The following PIWIL3 variants were observed in gnomAD, a reference collection of about 807,000 sequenced individuals.
PIWIL3 encodes the protein piwi-like protein 3.
Under a neutral mutation model 109.7 loss-of-function variants are expected in PIWIL3, and 101 were observed. The ratio of observed to expected loss-of-function variants is 0.92; its 90% CI spans 0.78 to 1.09. The LOEUF is 1.09. Ranked by LOEUF, PIWIL3 falls within the 50% of genes least tolerant of loss-of-function variation. The pLI is 0.00. For synonymous variants in PIWIL3, 373 were observed against 376.4 expected, an observed-to-expected ratio of 0.99 and a Z score of 0.10; for missense variants, 1,031 against 1,072.6, an observed-to-expected ratio of 0.96 and a Z score of 0.54.
chr22:24,733,835 TG>T (rs1923495403), intron 14 of PIWIL3, among the ~76,000 whole-genome samples: 1 of 152,228 alleles, frequency 6.6e-6, no homozygotes, highest in South Asian at 2.1e-4. Flanking sequence ...TACATTTGTA[TG>T]GTGTATTTTT....
In PIWIL3 at chr22:24,721,739, C is replaced by T. The variant is rs150293745; in HGVS notation, c.2357+1391G>A. Among the ~76,000 whole-genome samples, 439 of 152,252 alleles carry T rather than the reference C, an allele frequency of 2.9e-3. 4 individuals carry two copies. The highest frequency in any genetic ancestry group is 9.7e-3 in the African/African-American group (401 of 41,548). On this transcript the variant is annotated intron_variant, in intron 19 of 20. Coordinates refer to ENST00000616349, the MANE Select transcript of PIWIL3 (RefSeq NM_001255975.1). ...TTGACCTTTTCATTAGATATTCTTA[C>T]GGCCTTTATTCCTTTTTATATCTTT...
At chr22:24,772,770 G>C (rs1311139115) in intron 1 of PIWIL3, among the ~76,000 whole-genome samples, 1 of 152,228 alleles carries the variant, frequency 6.6e-6, no homozygotes, top group East Asian at 1.9e-4. Flanking sequence ...AACTGAAGAA[G>C]TGTCACAATG....
rs536930241 is a variant in PIWIL3 at position 24,754,943 on chromosome 22, A to C, written c.693-79T>G. ...TTTGGTAAGACACATAAGGGAAAAA[A>C]AATCTGTCAATGACTGTTTATATTA... On this transcript the variant is annotated intron_variant, in intron 6 of 20. Transcript: ENST00000616349. 9.2e-6 allele frequency: 11 copies of C among 1,192,920 alleles called. No homozygotes were observed. The African/African-American group carries it at 1.4e-4, about 15-fold the overall frequency. The allele number at this position is 1,192,920 out of a possible 1,614,324, so 73.9% of individuals were successfully genotyped here.
intron 12 of PIWIL3, among the ~76,000 whole-genome samples, chr22:24,747,936 T>C (rs568925849): frequency 6.6e-6 from 1 of 152,294 alleles, no homozygotes; most frequent in South Asian, 2.1e-4. Context: ...CCTAGGCATA[T>C]AGCCAAAATA....
chr22:24,763,139 C>A (rs1925543329), intron 1 of PIWIL3, among the ~76,000 whole-genome samples: 1 of 128,478 alleles, frequency 7.8e-6, no homozygotes, highest in Non-Finnish European at 1.7e-5. Flanking sequence ...CCTGGTAAAA[C>A]TTTTTTTTCT....
intron 1 of PIWIL3, among the ~76,000 whole-genome samples, chr22:24,767,131 ACTCT>A (rs1391824884): frequency 6.6e-6 from 1 of 151,766 alleles, no homozygotes; most frequent in Non-Finnish European, 1.5e-5. Flanking sequence ...ACAGAGTGAG[ACTCT>A]GTCTCAAAAA....
intron 8 of PIWIL3, among the ~76,000 whole-genome samples, chr22:24,753,148 T>A (rs144172937): frequency 6.5e-4 from 99 of 152,378 alleles, no homozygotes; most frequent in African/African-American, 2.3e-3. Flanking sequence ...AGTTTTTAAT[T>A]TGGTGAAGCC....
intron 1 of PIWIL3, among the ~76,000 whole-genome samples, chr22:24,772,430 C>A (rs1001445): frequency 0.2 from 30,629 of 152,114 alleles, 3,358 homozygotes; most frequent in Admixed American, 0.32. Flanking sequence ...TGCTGTGTGA[C>A]CCTGAGCAGG....
At chr22:24,729,253 C>T (rs1409951191) in intron 14 of PIWIL3, among the ~76,000 whole-genome samples, 2 of 152,108 alleles carry the variant, frequency 1.3e-5, no homozygotes, top group African/African-American at 4.8e-5. Flanking sequence ...CTCTCTGCTG[C>T]AGAGAGCTTT....
chr22:24,758,026 A>G lies in PIWIL3; in HGVS notation c.237T>C (p.Pro79=). 2 of 1,611,780 alleles carry G rather than the reference A, an allele frequency of 1.2e-6. No homozygotes were observed. Among genetic ancestry groups the G allele is most frequent in the Non-Finnish European group, 1.7e-6 (2 of 1,179,384 alleles). The part of the protein sequence containing the change: ...GGAQSQGVKE[P]GPEAGLHTAP... Reference sequence around the variant, plus strand: ...CTGTATGCAACCCAGCCTCAGGTCCAGGTTCCTTCACCCCTGCATAAATGT... The same window carrying G: ...CTGTATGCAACCCAGCCTCAGGTCCGGGTTCCTTCACCCCTGCATAAATGT... The change falls in exon 4 of 21, where the codon CCT becomes CCC. Residue 79 remains proline (P), a synonymous_variant. Transcript: ENST00000616349.
chr22:24,733,701 AAAC>A (rs925640708), intron 14 of PIWIL3, among the ~76,000 whole-genome samples: 30 of 90,466 alleles, frequency 3.3e-4, no homozygotes, highest in African/African-American at 8.1e-4. Flanking sequence ...AACAAACAAA[AAAC>A]AACAACAACA....
At chr22:24,772,725 TG>T (rs67559281) in intron 1 of PIWIL3, among the ~76,000 whole-genome samples, 65,938 of 151,960 alleles carry the variant, frequency 0.43, 14,596 homozygotes, top group East Asian at 0.59. Context: ...GGTGCTTAGG[TG>T]GGTGCACAGC....
At chr22:24,724,806 A>G in intron 18 of PIWIL3, 81 bp downstream of exon 18, 2 of 1,458,978 alleles carry the variant, frequency 1.4e-6, no homozygotes, top group Non-Finnish European at 1.9e-6. Context: ...TCCTGGGCTC[A>G]AGGGATCTGC....
intron 12 of PIWIL3, among the ~76,000 whole-genome samples, chr22:24,748,260 A>G (rs974668595): frequency 6.6e-6 from 1 of 152,058 alleles, no homozygotes; most frequent in Non-Finnish European, 1.5e-5. Flanking sequence ...ATAGAGTAGG[A>G]TGGTTACAGA....
chr22:24,723,762 T>C (rs1466716784), intron 18 of PIWIL3, among the ~76,000 whole-genome samples: 6 of 151,884 alleles, frequency 4.0e-5, no homozygotes, highest in African/African-American at 1.5e-4. Context: ...GCAACCTCCC[T>C]CTCCCAAGTT....
At chr22:24,745,330 C>T (rs952500295) in intron 12 of PIWIL3, among the ~76,000 whole-genome samples, 1 of 152,160 alleles carries the variant, frequency 6.6e-6, no homozygotes, top group African/African-American at 2.4e-5. Flanking sequence ...GATGTGGTGT[C>T]TCACACCTGT....
chr22:24,746,503 A>G (rs1392582164), intron 12 of PIWIL3, among the ~76,000 whole-genome samples: 1 of 152,140 alleles, frequency 6.6e-6, no homozygotes, highest in African/African-American at 2.4e-5. Flanking sequence ...CTAGAATACA[A>G]CAAGGATGCT....
intron 3 of PIWIL3, 84 bp from the exon 4 acceptor site, chr22:24,758,123 T>C: frequency 1.4e-6 from 2 of 1,452,594 alleles, no homozygotes; most frequent in South Asian, 1.3e-5. Flanking sequence ...ATAAGTTTGT[T>C]AGAGGTAGAA....
At chr22:24,745,508 C>A (rs1486256676) in intron 12 of PIWIL3, among the ~76,000 whole-genome samples, 1 of 151,962 alleles carries the variant, frequency 6.6e-6, no homozygotes, top group Non-Finnish European at 1.5e-5. Context: ...AATCACCCCA[C>A]TACACTCCAG....
Sources: gnomAD v4.1 joint callset for allele counts (sites outside exome capture counted in the v4.1 genomes callset) on GRCh38, gnomAD v4.1.1 for gene constraint, MANE v1.5 for transcripts, NCBI Gene and HGNC (gene_info 2026-07-23, HGNC 2026-07-21) for gene names.